OXR1: variants seen among roughly 807,000 people sequenced by gnomAD.
OXR1 encodes the protein oxidation resistance protein 1.
Under a neutral mutation model 104.6 loss-of-function variants are expected in OXR1, and 41 were observed. The observed-to-expected ratio is 0.39, with a 90% CI of 0.31 to 0.51. The LOEUF is 0.51. Among genes scored for constraint, OXR1 ranks in the 20% least tolerant of loss-of-function variants. The probability of loss-of-function intolerance (pLI) is 0.77; values close to 1 mark genes in which losing one functional copy is unlikely to be tolerated. For synonymous variants in OXR1, 348 were observed against 348.4 expected, an observed-to-expected ratio of 1.00 and a Z score of 0.01; for missense variants, 955 against 1,031.9, an observed-to-expected ratio of 0.93 and a Z score of 1.02.
Position 106,430,248 on chromosome 8 carries a change from A to G in OXR1, c.23+70612A>G, listed in dbSNP as rs540545365. ...CAACTTTTAGATAATCTTAAAAGGG[A>G]AATGATGGAATGGAATTAGCTAGCA... On this transcript the variant is annotated intron_variant, in intron 2 of 16. Transcript: ENST00000517566. 3.3e-5 allele frequency among the ~76,000 whole-genome samples: 5 copies of G among 152,314 alleles called. No individual in the cohort carries two copies. In the South Asian group the frequency reaches 1.0e-3, roughly 32 times the overall value.
chr8:106,542,806 ATTATGTGTCAG>A (rs1416563379), intron 3 of OXR1, among the ~76,000 whole-genome samples: 1 of 152,096 alleles, frequency 6.6e-6, no homozygotes, highest in Non-Finnish European at 1.5e-5. Context: ...AATTAATATA[ATTATGTGTCAG>A]TTCTGGCATC....
intron 3 of OXR1, among the ~76,000 whole-genome samples, chr8:106,641,416 T>C (rs549568835): frequency 2.6e-5 from 4 of 152,342 alleles, no homozygotes; most frequent in East Asian, 1.9e-4. Flanking sequence ...AATAGAAGCA[T>C]GTTATCTCCA....
chr8:106,545,285 T>C (rs944240685), intron 3 of OXR1, among the ~76,000 whole-genome samples: 2 of 152,232 alleles, frequency 1.3e-5, no homozygotes, highest in African/African-American at 2.4e-5. Context: ...TGTGATTGAT[T>C]GTCTGAAAAC....
intron 2 of OXR1, among the ~76,000 whole-genome samples, chr8:106,444,836 C>G (rs1819947407): frequency 6.6e-6 from 1 of 152,082 alleles, no homozygotes. Context: ...ATAGTATCAT[C>G]TGAAAAATTT....
At chr8:106,576,559 C>A (rs1015000537) in intron 3 of OXR1, among the ~76,000 whole-genome samples, 2 of 150,358 alleles carry the variant, frequency 1.3e-5, no homozygotes, top group African/African-American at 4.9e-5. Flanking sequence ...AGATTTTTAT[C>A]CAAAGTAAAA....
intron 1 of OXR1, among the ~76,000 whole-genome samples, chr8:106,332,759 C>T (rs1814775517): frequency 6.6e-6 from 1 of 152,074 alleles, no homozygotes; most frequent in Non-Finnish European, 1.5e-5. Flanking sequence ...AAACTGTACC[C>T]ATTAATAGTC....
chr8:106,428,805 G>A (rs750743761), intron 2 of OXR1, among the ~76,000 whole-genome samples: 1 of 151,898 alleles, frequency 6.6e-6, no homozygotes, highest in Non-Finnish European at 1.5e-5. Flanking sequence ...AACTTAGCAC[G>A]TACCGAGGAA....
chr8:106,411,052 T>C (rs1818438114), intron 2 of OXR1, among the ~76,000 whole-genome samples: 1 of 151,524 alleles, frequency 6.6e-6, no homozygotes, highest in African/African-American at 2.4e-5. Flanking sequence ...CCTGATGTAA[T>C]TAATTACATA....
At chr8:106,578,108 A>G (rs2130609260) in intron 3 of OXR1, among the ~76,000 whole-genome samples, 1 of 152,302 alleles carries the variant, frequency 6.6e-6, no homozygotes, top group Non-Finnish European at 1.5e-5. Context: ...CAGGTAAACA[A>G]TGAATAAACA....
intron 2 of OXR1, among the ~76,000 whole-genome samples, chr8:106,360,474 T>C (rs1816193152): frequency 6.6e-6 from 1 of 152,152 alleles, no homozygotes; most frequent in African/African-American, 2.4e-5. Context: ...CTGGCTCAAC[T>C]TAGCTCCATA....
intron 1 of OXR1, among the ~76,000 whole-genome samples, chr8:106,284,097 G>A (rs542924337): frequency 6.6e-6 from 1 of 152,154 alleles, no homozygotes; most frequent in South Asian, 2.1e-4. Context: ...AAGGGGTAAA[G>A]CAAACATGGC....
rs142727624 is a variant in OXR1 at position 106,437,970 on chromosome 8, A to G, written c.23+78334A>G. ...AAAGAAAACTACTGGGGGCTTATAC[A>G]CTAGCTGGAGAGATGTAAGCAAAAA... On this transcript the variant is annotated intron_variant, in intron 2 of 16. Coordinates refer to ENST00000517566, the MANE Select transcript of OXR1 (RefSeq NM_001198533.2). Among the ~76,000 whole-genome samples the G allele has an allele frequency of 5.3e-4, 80 of 152,268 alleles. 1 individual carries two copies. In the East Asian group the frequency reaches 0.014, roughly 26 times the overall value.
At chr8:106,719,663 C>G (rs1302761167) in intron 11 of OXR1, among the ~76,000 whole-genome samples, 2 of 152,042 alleles carry the variant, frequency 1.3e-5, no homozygotes, top group Non-Finnish European at 2.9e-5. Flanking sequence ...TAGAATGTCA[C>G]ACAGTCTGGA....
At chr8:106,290,803 G>A (rs1812715716) in intron 1 of OXR1, among the ~76,000 whole-genome samples, 2 of 152,192 alleles carry the variant, frequency 1.3e-5, no homozygotes, top group African/African-American at 4.8e-5. Context: ...GACGATGCTG[G>A]TGAGGCTGCA....
intron 3 of OXR1, among the ~76,000 whole-genome samples, chr8:106,616,312 C>T (rs1449397993): frequency 6.7e-6 from 1 of 148,240 alleles, no homozygotes; most frequent in Non-Finnish European, 1.5e-5. Flanking sequence ...CCGCCCACCT[C>T]AGCCTCCCAA....
chr8:106,352,321 T>C (rs1815760238), intron 1 of OXR1, among the ~76,000 whole-genome samples: 1 of 152,238 alleles, frequency 6.6e-6, no homozygotes, highest in South Asian at 2.1e-4. Context: ...CCACTGGATA[T>C]GTTGGTTCTC....
At chr8:106,647,233 G>A (rs1263400127) in intron 3 of OXR1, among the ~76,000 whole-genome samples, 2 of 152,164 alleles carry the variant, frequency 1.3e-5, no homozygotes, top group Non-Finnish European at 2.9e-5. Flanking sequence ...GTTTTTAGTA[G>A]GGTTTGTAAT....
At chr8:106,338,583 A>C (rs565421864) in intron 1 of OXR1, among the ~76,000 whole-genome samples, 1 of 150,902 alleles carries the variant, frequency 6.6e-6, no homozygotes, top group Non-Finnish European at 1.5e-5. Flanking sequence ...AAAAAAAAGC[A>C]ACCCAGTGTT....
intron 9 of OXR1, 130 bp downstream of exon 9, chr8:106,707,275 T>C (rs1831238160): frequency 1.3e-6 from 1 of 769,858 alleles, no homozygotes; most frequent in Admixed American, 2.0e-5. Context: ...GACCGGTGAT[T>C]CTCTGGGGAC....
Sources: allele counts gnomAD v4.1 joint callset (sites outside exome capture counted in the v4.1 genomes callset), GRCh38; gene constraint gnomAD v4.1.1; transcripts MANE v1.5; gene names NCBI Gene and HGNC (gene_info 2026-07-23, HGNC 2026-07-21).